The following CAST variants were observed in gnomAD, a reference collection of about 807,000 sequenced individuals.
CAST encodes the protein calpastatin.
In CAST, 76 loss-of-function variants were observed where a neutral mutation model predicts 119.6. The ratio of observed to expected loss-of-function variants is 0.64; its 90% CI spans 0.53 to 0.77. The LOEUF (loss-of-function observed/expected upper bound fraction) is 0.77. Ranked by LOEUF, CAST falls within the 30% of genes least tolerant of loss-of-function variation. CAST has a pLI of 0.00. For missense variants in CAST, 953 were observed against 946.5 expected, an observed-to-expected ratio of 1.01 and a Z score of -0.09; for synonymous variants, 319 against 331.6, an observed-to-expected ratio of 0.96 and a Z score of 0.41.
At chr5:96,509,683 C>T in the CAST span, among the ~76,000 whole-genome samples, 1 of 152,166 alleles carries the variant, frequency 6.6e-6, no homozygotes, top group Middle Eastern at 3.2e-3. Context: ...TTCCCAGAGG[C>T]ACTTTTGTGG....
At chr5:96,026,657 G>T in the CAST span, among the ~76,000 whole-genome samples, 1 of 152,124 alleles carries the variant, frequency 6.6e-6, no homozygotes, top group Non-Finnish European at 1.5e-5. Flanking sequence ...GGGAGGATTT[G>T]GACTGCGAAG....
the CAST span, among the ~76,000 whole-genome samples, chr5:96,508,457 A>C: frequency 0.98 from 149,632 of 152,244 alleles, 73,602 homozygotes; most frequent in East Asian, 1. Context: ...GTCACCATGC[A>C]TGCAACTTAA....
At chr5:96,297,979 G>A in the CAST span, among the ~76,000 whole-genome samples, 3 of 152,178 alleles carry the variant, frequency 2.0e-5, no homozygotes, top group South Asian at 2.1e-4. Flanking sequence ...AAATGTAGAA[G>A]CATCTGATTC....
chr5:96,510,567 C>T, the CAST span, among the ~76,000 whole-genome samples: 1 of 152,160 alleles, frequency 6.6e-6, no homozygotes, highest in South Asian at 2.1e-4. Context: ...TTAAAAGACA[C>T]TTAAGAGACA....
chr5:96,285,059 A>G, the CAST span, among the ~76,000 whole-genome samples: 5 of 152,250 alleles, frequency 3.3e-5, no homozygotes, highest in African/African-American at 1.2e-4. Flanking sequence ...TGAAGAGAGT[A>G]AGAAATACTT....
intron 1 of CAST, among the ~76,000 whole-genome samples, chr5:96,604,974 CGGA>C (rs1302622317): frequency 2.0e-5 from 3 of 152,128 alleles, no homozygotes; most frequent in African/African-American, 7.2e-5. Context: ...TCTGTAGAGG[CGGA>C]GGAGAAGAGG....
chr5:96,529,738 G>C (rs1745657283), upstream of CAST: 1 of 406,836 alleles, frequency 2.5e-6, no homozygotes, highest in Middle Eastern at 8.1e-4. Flanking sequence ...CCTTGTGATA[G>C]TGAGTCAGTT....
At chr5:96,062,745 G>A in the CAST span, among the ~76,000 whole-genome samples, 1 of 152,128 alleles carries the variant, frequency 6.6e-6, no homozygotes, top group Non-Finnish European at 1.5e-5. Flanking sequence ...TGGCACTTAG[G>A]TGGCTCACTC....
At chr5:96,376,421 T>A in the CAST span, among the ~76,000 whole-genome samples, 1 of 151,898 alleles carries the variant, frequency 6.6e-6, no homozygotes, top group East Asian at 1.9e-4. Flanking sequence ...TACTGTACTT[T>A]AAAAAAATTA....
intron 2 of CAST, among the ~76,000 whole-genome samples, chr5:96,677,054 A>G (rs1750803464): frequency 1.3e-5 from 2 of 151,966 alleles, no homozygotes; most frequent in Non-Finnish European, 2.9e-5. Flanking sequence ...AAAAGAAAAG[A>G]AAAGAAAAGA....
chr5:96,217,769 G>GAA, the CAST span, among the ~76,000 whole-genome samples: 1 of 152,124 alleles, frequency 6.6e-6, no homozygotes, highest in South Asian at 2.1e-4. Context: ...ACAGAAACAG[G>GAA]AAAAACTTAA....
the CAST span, among the ~76,000 whole-genome samples, chr5:96,069,349 G>A: frequency 4.6e-5 from 5 of 109,200 alleles, no homozygotes; most frequent in African/African-American, 1.8e-4. Context: ...AAGCATGTGT[G>A]TATGTATGTG....
chr5:96,597,175 G>A (rs1006800650), intron 1 of CAST, among the ~76,000 whole-genome samples: 1 of 152,132 alleles, frequency 6.6e-6, no homozygotes. Context: ...TTGTTATGAA[G>A]AGCATATCAG....
intron 1 of CAST, among the ~76,000 whole-genome samples, chr5:96,573,120 G>A (rs1746601273): frequency 1.3e-5 from 2 of 152,174 alleles, no homozygotes; most frequent in Admixed American, 1.3e-4. Flanking sequence ...ACCCCATAAG[G>A]TAGTTGTTTA....
the CAST span, among the ~76,000 whole-genome samples, chr5:96,073,817 C>T: frequency 5.3e-5 from 8 of 152,264 alleles, no homozygotes; most frequent in East Asian, 1.2e-3. Context: ...GGACCACTAC[C>T]GGTTCTTTGC....
the CAST span, among the ~76,000 whole-genome samples, chr5:96,095,247 G>C: frequency 6.6e-6 from 1 of 152,008 alleles, no homozygotes; most frequent in Non-Finnish European, 1.5e-5. Context: ...CCCAATTAAG[G>C]TTTCTTGATC....
intron 1 of CAST, among the ~76,000 whole-genome samples, chr5:96,542,036 C>T (rs1287009182): frequency 7.2e-5 from 11 of 152,278 alleles, no homozygotes; most frequent in African/African-American, 2.2e-4. Flanking sequence ...GGAGGCCGGA[C>T]GCGGTGGCTC....
the CAST span, among the ~76,000 whole-genome samples, chr5:96,289,845 G>A: frequency 1.1e-4 from 16 of 151,946 alleles, no homozygotes; most frequent in Non-Finnish European, 1.6e-4. Flanking sequence ...CCTCAGTAGC[G>A]TTTGTCTTAT....
At chr5:96,662,269 AC>A, upstream of CAST, 1 of 932,258 alleles carries the variant, frequency 1.1e-6, no homozygotes, top group Non-Finnish European at 1.4e-6. Context: ...CCCGGCGCAG[AC>A]CTGGGGTGGG....
Sources: allele counts gnomAD v4.1 joint callset (sites outside exome capture counted in the v4.1 genomes callset), GRCh38; gene constraint gnomAD v4.1.1; transcripts MANE v1.5; gene names NCBI Gene and HGNC (gene_info 2026-07-23, HGNC 2026-07-21).